VHL: variants seen among roughly 807,000 people sequenced by gnomAD.
The protein encoded by VHL is von Hippel-Lindau disease tumor suppressor.
VHL carries 10 observed loss-of-function variants against 19.2 expected under a neutral mutation model. The ratio of observed to expected loss-of-function variants is 0.52; its 90% CI spans 0.32 to 0.89. The LOEUF (loss-of-function observed/expected upper bound fraction) is 0.89, where lower values mean the gene tolerates loss of function less well. VHL is among the 40% of genes least tolerant of loss of function. The pLI is 0.03. For missense variants in VHL, 328 were observed against 292.7 expected, an observed-to-expected ratio of 1.12 and a Z score of -0.88; for synonymous variants, 167 against 129.5, an observed-to-expected ratio of 1.29 and a Z score of -1.97.
In VHL at chr3:10,153,468, TG is replaced by T. The variant is rs1185780049; in HGVS notation, c.*3504del. Among the ~76,000 whole-genome samples the T allele has an allele frequency of 6.6e-6, 1 of 152,038 alleles. No homozygotes were observed. The highest frequency in any genetic ancestry group is 1.5e-5 in the Non-Finnish European group (1 of 68,010). On this transcript the variant is annotated 3_prime_UTR_variant, in exon 3 of 3. Coordinates refer to ENST00000256474, the MANE Select transcript of VHL (RefSeq NM_000551.4). ...AAAAACAAAAAAAAAACATGCCGTT[TG>T]AGTACTGTGTTTTTGGTGTTGTCCA...
chr3:10,143,375 C>T (rs1451227777), intron 1 of VHL, among the ~76,000 whole-genome samples: 3 of 152,104 alleles, frequency 2.0e-5, no homozygotes, highest in Non-Finnish European at 4.4e-5. Flanking sequence ...ATGATCCACC[C>T]GCCTTGGCCT....
Position 10,146,645 on chromosome 3 carries a change from G to A in VHL, c.463+9G>A, listed in dbSNP as rs1057522720. Reference sequence around the variant, plus strand: ...CAATATCACACTGCCAGGTACTGACGTTTTACTTTTTAAAAAGATAAGGTT... The same window carrying A: ...CAATATCACACTGCCAGGTACTGACATTTTACTTTTTAAAAAGATAAGGTT... On this transcript the variant is annotated intron_variant, in intron 2 of 2. Coordinates refer to ENST00000256474, the MANE Select transcript of VHL (RefSeq NM_000551.4). The A allele has an allele frequency of 4.3e-6, 7 of 1,613,256 alleles. No homozygotes were observed. The highest frequency in any genetic ancestry group is 2.7e-5 in the African/African-American group (2 of 75,002).
In VHL at chr3:10,149,868, G is replaced by T. The variant is rs749774529; in HGVS notation, c.545G>T (p.Arg182Met). Residue 182 changes from arginine (R) to methionine (M), a missense_variant, in exon 3 of 3, where the codon AGG (arginine) becomes ATG (methionine). Arg to Met is a moderately conservative substitution (Grantham distance 91, BLOSUM62 -1). Transcript: ENST00000256474. The stretch of plus-strand genomic sequence containing the variant: ...AATTACAGGAGACTGGACATCGTCA[G>T]GTCGCTCTACGAAGATCTGGAAGAC... Reference protein sequence around the residue: ...PENYRRLDIVRSLYEDLEDHP... With the variant: ...PENYRRLDIVMSLYEDLEDHP... 1 of 1,614,190 alleles carries T rather than the reference G, an allele frequency of 6.2e-7. No individual in the cohort carries two copies. Among genetic ancestry groups the T allele is most frequent in the Non-Finnish European group, 8.5e-7 (1 of 1,180,042 alleles).
rs1224891387 is a variant in VHL at position 10,142,027 on chromosome 3, G to C, written c.180G>C (p.Arg60=). ...AEEEMEAGRP[R]PVLRSVNSRE... ...AGGAGATGGAGGCCGGGCGGCCGCG[G>C]CCCGTGCTGCGCTCGGTGAACTCGC... is the stretch of plus-strand genomic sequence containing the variant. The change falls in exon 1 of 3, where the codon CGG becomes CGC. Residue 60 remains arginine, a synonymous_variant. Transcript: ENST00000256474. The C allele has an allele frequency of 4.4e-6, 7 of 1,596,972 alleles. No individual in the cohort carries two copies. The highest frequency in any genetic ancestry group is 5.1e-6 in the Non-Finnish European group (6 of 1,173,704).
chr3:10,148,134 A>G (rs1012898760), intron 2 of VHL, among the ~76,000 whole-genome samples: 1 of 151,744 alleles, frequency 6.6e-6, no homozygotes, highest in Non-Finnish European at 1.5e-5. Context: ...CCCCAAATAC[A>G]TGGGTTTCAT....
chr3:10,142,174 C>A lies in VHL; in HGVS notation c.327C>A (p.Ile109=), dbSNP rs863224371. The A allele has an allele frequency of 1.3e-6, 2 of 1,598,496 alleles. No homozygotes were observed. The highest frequency in any genetic ancestry group is 1.7e-6 in the Non-Finnish European group (2 of 1,179,458). The part of the protein sequence containing the change: ...PTLPPGTGRR[I]HSYRGHLWLF... ...TGCCGCCTGGCACGGGCCGCCGCAT[C>A]CACAGCTACCGAGGTACGGGCCCGG... is the stretch of plus-strand genomic sequence containing the variant. Residue 109 remains isoleucine, a synonymous_variant, in exon 1 of 3, where the codon ATC becomes ATA. Transcript: ENST00000256474.
intron 2 of VHL, among the ~76,000 whole-genome samples, chr3:10,147,195 A>G (rs536928968): frequency 6.6e-6 from 1 of 151,778 alleles, no homozygotes; most frequent in Middle Eastern, 3.2e-3. Flanking sequence ...TATTTTTAGT[A>G]GAGACGGGGT....
At position 10,144,804 on chromosome 3, in the gene VHL, C is replaced by G. The variant is rs561937322; in HGVS notation, c.341-1710C>G. Among the ~76,000 whole-genome samples the G allele has an allele frequency of 3.3e-5, 5 of 151,914 alleles. 1 individual carries two copies. In the South Asian group the frequency reaches 1.0e-3, roughly 32 times the overall value. On this transcript the variant is annotated intron_variant, in intron 1 of 2. Transcript: ENST00000256474. Reference sequence around the variant, plus strand: ...CTTTAAGTTCTAGGGTACATGTGCACAACGTGCAGGTTTGTTACATATGTA... The same window carrying G: ...CTTTAAGTTCTAGGGTACATGTGCAGAACGTGCAGGTTTGTTACATATGTA...
chr3:10,153,347 T>G lies in VHL; in HGVS notation c.*3382T>G, dbSNP rs1234339513. Reference sequence around the variant, plus strand: ...GCGCCTGTGAGGCAGGCGAATCTCTTGAACCCGGGAGGCGGAGGTTGCAGT... The same window carrying G: ...GCGCCTGTGAGGCAGGCGAATCTCTGGAACCCGGGAGGCGGAGGTTGCAGT... On this transcript the variant is annotated 3_prime_UTR_variant, in exon 3 of 3. Coordinates refer to ENST00000256474, the MANE Select transcript of VHL (RefSeq NM_000551.4). 6.6e-6 allele frequency among the ~76,000 whole-genome samples: 1 copy of G among 151,804 alleles called. No homozygotes were observed. Among genetic ancestry groups the G allele is most frequent in the East Asian group, 1.9e-4 (1 of 5,178 alleles).
chr3:10,152,914 G>T lies in VHL; in HGVS notation c.*2949G>T, dbSNP rs759922372. 6.6e-6 allele frequency among the ~76,000 whole-genome samples: 1 copy of T among 152,114 alleles called. No homozygotes were observed. Among genetic ancestry groups the T allele is most frequent in the East Asian group, 1.9e-4 (1 of 5,164 alleles). The stretch of plus-strand genomic sequence containing the variant: ...TCCCAGCATTTTGGGAGACCAAGGC[G>T]GATGGATCACCTGAGGTCAGGAGCT... On this transcript the variant is annotated 3_prime_UTR_variant, in exon 3 of 3. Transcript: ENST00000256474.
In VHL at chr3:10,142,924, G is replaced by C. The variant is rs1696162735; in HGVS notation, c.340+737G>C. The stretch of plus-strand genomic sequence containing the variant: ...GCGTGGGAAATTGACTTACCTGCCT[G>C]CTGGGAGATGGAGGGGTTGCGGTTG... On this transcript the variant is annotated intron_variant, in intron 1 of 2. Coordinates refer to ENST00000256474, the MANE Select transcript of VHL (RefSeq NM_000551.4). The C allele has an allele frequency of 6.5e-6, 1 of 152,694 alleles. No homozygotes were observed. Among genetic ancestry groups the C allele is most frequent in the Non-Finnish European group, 1.5e-5 (1 of 68,360 alleles). The allele number at this position is 152,694 out of a possible 1,614,324, so 9.5% of individuals were successfully genotyped here. A position where few individuals can be genotyped will look rare whatever the true frequency, so the allele number is the denominator to read the frequency against.
intron 1 of VHL, among the ~76,000 whole-genome samples, chr3:10,143,949 G>A (rs1449770771): frequency 6.6e-6 from 1 of 152,154 alleles, no homozygotes; most frequent in Non-Finnish European, 1.5e-5. Flanking sequence ...AAGCAGAGAA[G>A]TAGTCCTAGT....
In VHL at chr3:10,142,781, G is replaced by T. The variant is rs1235225768; in HGVS notation, c.340+594G>T. 1.3e-5 allele frequency: 2 copies of T among 154,086 alleles called. No homozygotes were observed. The highest frequency in any genetic ancestry group is 2.9e-5 in the Non-Finnish European group (2 of 69,148). 9.5% of individuals were successfully genotyped at this position (154,086 alleles called of 1,614,324 possible). Reference sequence around the variant, plus strand: ...TGTTCAGTCCTCATGACTCCAGTGGGCCAGTTCTGCGTAGTCCCTGCCCTC... The same window carrying T: ...TGTTCAGTCCTCATGACTCCAGTGGTCCAGTTCTGCGTAGTCCCTGCCCTC... On this transcript the variant is annotated intron_variant, in intron 1 of 2. Transcript: ENST00000256474.
At position 10,151,243 on chromosome 3, in the gene VHL, C is replaced by T. The variant is rs1052513748; in HGVS notation, c.*1278C>T. 9.7e-6 allele frequency: 2 copies of T among 205,358 alleles called. No homozygotes were observed. Among genetic ancestry groups the T allele is most frequent in the African/African-American group, 4.6e-5 (2 of 43,834 alleles). The allele number at this position is 205,358 out of a possible 1,614,324, so 12.7% of individuals were successfully genotyped here. A position where few individuals can be genotyped will look rare whatever the true frequency, so the allele number is the denominator to read the frequency against. On this transcript the variant is annotated 3_prime_UTR_variant, in exon 3 of 3. Transcript: ENST00000256474. ...CTTCCACCTCCAGCCTCTGGTCCTA[C>T]CAATGGATTCATGGAGTAGCCTGGA... is the stretch of plus-strand genomic sequence containing the variant.
chr3:10,151,462 T>C lies in VHL; in HGVS notation c.*1497T>C, dbSNP rs1696408962. On this transcript the variant is annotated 3_prime_UTR_variant, in exon 3 of 3. Transcript: ENST00000256474. Reference sequence around the variant, plus strand: ...GAAACATTTGGAAAAGACAGAAAACTAAAAAGGAAGAAAAAAGATCCCTAT... The same window carrying C: ...GAAACATTTGGAAAAGACAGAAAACCAAAAAGGAAGAAAAAAGATCCCTAT... The C allele has an allele frequency of 4.5e-6, 1 of 224,362 alleles. No homozygotes were observed. The highest frequency in any genetic ancestry group is 8.9e-6 in the Non-Finnish European group (1 of 112,486). 13.9% of individuals were successfully genotyped at this position (224,362 alleles called of 1,614,324 possible).
Position 10,149,876 on chromosome 3 carries a change from T to A in VHL, c.553T>A (p.Tyr185Asn), listed in dbSNP as rs768390987. 1.2e-6 allele frequency: 2 copies of A among 1,614,064 alleles called. No homozygotes were observed. The highest frequency in any genetic ancestry group is 2.7e-5 in the African/African-American group (2 of 74,934). Residue 185 changes from tyrosine to asparagine, a missense_variant, in exon 3 of 3, where the codon TAC (tyrosine) becomes AAC (asparagine). Physicochemically the swap from Tyr to Asn is moderately radical, Grantham distance 143 (BLOSUM62 -2). Coordinates refer to ENST00000256474, the MANE Select transcript of VHL (RefSeq NM_000551.4). ...GAGACTGGACATCGTCAGGTCGCTCTACGAAGATCTGGAAGACCACCCAAA... is the reference window on the plus strand; with the variant it reads ...GAGACTGGACATCGTCAGGTCGCTCAACGAAGATCTGGAAGACCACCCAAA... Reference protein sequence around the residue: ...YRRLDIVRSLYEDLEDHPNVQ... With the variant: ...YRRLDIVRSLNEDLEDHPNVQ...
At chr3:10,149,193 A>G (rs1269247370) in intron 2 of VHL, among the ~76,000 whole-genome samples, 3 of 149,458 alleles carry the variant, frequency 2.0e-5, no homozygotes, top group East Asian at 4.0e-4. Context: ...GCTCACTGCA[A>G]CCTCTGCCTC....
chr3:10,148,768 CCT>C (rs1250939953), intron 2 of VHL, among the ~76,000 whole-genome samples: 1 of 150,746 alleles, frequency 6.6e-6, no homozygotes, highest in Non-Finnish European at 1.5e-5. Context: ...GCAACCTCTG[CCT>C]CTCGGGTTCA....
At chr3:10,147,506 A>G (rs1289237855) in intron 2 of VHL, among the ~76,000 whole-genome samples, 1 of 151,848 alleles carries the variant, frequency 6.6e-6, no homozygotes, top group Non-Finnish European at 1.5e-5. Context: ...CTGGGGTTAT[A>G]GGTGCCTGTC....
Sources: allele counts gnomAD v4.1 joint callset (sites outside exome capture counted in the v4.1 genomes callset), GRCh38; gene constraint gnomAD v4.1.1; transcripts MANE v1.5; gene names NCBI Gene and HGNC (gene_info 2026-07-23, HGNC 2026-07-21).